Variants in ARFGEF1 observed in about 807,000 individuals in gnomAD.
ARFGEF1 encodes the protein ARF guanine nucleotide exchange factor 1, also known as brefeldin A-inhibited guanine nucleotide-exchange protein 1.
A neutral mutation model predicts 231.0 loss-of-function variants in ARFGEF1; 42 were observed. That is an observed-to-expected ratio of 0.18 (90% CI 0.14 to 0.24). The LOEUF is 0.24. Among genes scored for constraint, ARFGEF1 ranks in the 10% least tolerant of loss-of-function variants. ARFGEF1 has a pLI of 1.00. For missense variants in ARFGEF1, 1,345 were observed against 2,192.0 expected (o/e 0.61, Z 7.72); for synonymous variants, 710 against 732.3 (o/e 0.97, Z 0.49).
intron 1 of ARFGEF1, among the ~76,000 whole-genome samples, chr8:67,325,731 AATT>A (rs1807803571): frequency 6.6e-6 from 1 of 152,238 alleles, no homozygotes; most frequent in African/African-American, 2.4e-5. Flanking sequence ...ATAAATATTG[AATT>A]ATTATGAAGG....
At chr8:67,277,583 C>A (rs1563883404) in intron 7 of ARFGEF1, 126 bp from the exon 8 acceptor site, 2 of 807,718 alleles carry the variant, frequency 2.5e-6, no homozygotes, top group Non-Finnish European at 3.8e-6. Context: ...TGTATTGGCA[C>A]CATTTAAAGG....
intron 29 of ARFGEF1, among the ~76,000 whole-genome samples, chr8:67,222,602 C>G (rs973176361): frequency 2.6e-5 from 4 of 152,104 alleles, no homozygotes; most frequent in African/African-American, 9.7e-5. Flanking sequence ...AGGTGCGCAC[C>G]ACCACGCCTC....
intron 29 of ARFGEF1, among the ~76,000 whole-genome samples, chr8:67,224,063 A>G (rs903523780): frequency 6.6e-6 from 1 of 152,104 alleles, no homozygotes; most frequent in South Asian, 2.1e-4. Context: ...TTGGTGGGGG[A>G]TGGGGGTGGT....
intron 30 of ARFGEF1, 35 bp from the exon 31 acceptor site, chr8:67,218,173 T>C (rs1839001739): frequency 5.9e-6 from 7 of 1,182,228 alleles, no homozygotes; most frequent in Non-Finnish European, 7.6e-6. Context: ...CATCACGCCA[T>C]TAATCAACTA....
chr8:67,282,796 C>G (rs1177187829), intron 7 of ARFGEF1, among the ~76,000 whole-genome samples: 2 of 147,920 alleles, frequency 1.4e-5, no homozygotes, highest in Non-Finnish European at 3.0e-5. Context: ...TGCAGTGAGC[C>G]AAGATCTTGC....
chr8:67,223,368 GT>G (rs1839267392), intron 29 of ARFGEF1, among the ~76,000 whole-genome samples: 1 of 152,128 alleles, frequency 6.6e-6, no homozygotes, highest in Non-Finnish European at 1.5e-5. Flanking sequence ...ACCATGCCTA[GT>G]TAACTTTTTG....
intron 10 of ARFGEF1, 119 bp downstream of exon 10, chr8:67,271,583 G>A (rs949609582): frequency 1.3e-6 from 1 of 749,452 alleles, no homozygotes; most frequent in Non-Finnish European, 2.2e-6. Flanking sequence ...AAAAATAAGT[G>A]CATGGCAATA....
intron 1 of ARFGEF1, among the ~76,000 whole-genome samples, chr8:67,330,260 A>C (rs1285089017): frequency 3.3e-5 from 5 of 152,104 alleles, no homozygotes; most frequent in Admixed American, 2.6e-4. Context: ...AAGGAAAACA[A>C]TTCAATAAAG....
chr8:67,219,876 G>A (rs1202724291), intron 29 of ARFGEF1, among the ~76,000 whole-genome samples: 1 of 152,162 alleles, frequency 6.6e-6, no homozygotes, highest in Non-Finnish European at 1.5e-5. Context: ...AACCGTTTGA[G>A]TGAATATTAA....
At chr8:67,302,585 T>C in intron 1 of ARFGEF1, 119 bp from the exon 2 acceptor site, 1 of 602,006 alleles carries the variant, frequency 1.7e-6, no homozygotes, top group Non-Finnish European at 2.7e-6. Flanking sequence ...GAATGCAAAT[T>C]TAATAAAAAT....
intron 5 of ARFGEF1, among the ~76,000 whole-genome samples, chr8:67,176,137 A>C (rs972552898): frequency 6.6e-6 from 1 of 152,112 alleles, no homozygotes; most frequent in African/African-American, 2.4e-5. Context: ...CTCAGAGAGC[A>C]CTGATGGGCC....
intron 1 of ARFGEF1, 78 bp from the exon 2 acceptor site, chr8:67,302,544 C>A: frequency 9.7e-7 from 1 of 1,030,230 alleles, no homozygotes; most frequent in South Asian, 2.1e-5. Context: ...GTTCTATAAA[C>A]TCATTTGGAA....
chr8:67,206,019 T>G (rs1413319277), intron 34 of ARFGEF1, among the ~76,000 whole-genome samples: 1 of 152,186 alleles, frequency 6.6e-6, no homozygotes, highest in African/African-American at 2.4e-5. Flanking sequence ...TACTGTGGTT[T>G]GGCCACAGCA....
At chr8:67,212,680 T>C (rs954003628) in intron 33 of ARFGEF1, among the ~76,000 whole-genome samples, 1 of 152,202 alleles carries the variant, frequency 6.6e-6, no homozygotes, top group Admixed American at 6.5e-5. Flanking sequence ...TGAGCAACCT[T>C]ACCTGCTGTG....
intron 32 of ARFGEF1, among the ~76,000 whole-genome samples, chr8:67,217,318 A>AAAAAAAAAC (rs1267029074): frequency 2.6e-5 from 4 of 152,008 alleles, no homozygotes; most frequent in African/African-American, 9.7e-5. Flanking sequence ...AAAAAAAAAA[A>AAAAAAAAAC]AAACCTACCT....
rs79536262 is a variant in ARFGEF1, at chr8:67,198,173, A to C, written c.*761T>G. On this transcript the variant is annotated 3_prime_UTR_variant, in exon 39 of 39. Coordinates refer to ENST00000262215, the MANE Select transcript of ARFGEF1 (RefSeq NM_006421.5). ...TCTACCTTTTTTTCCCTATTGTTGA[A>C]GTGTCGGCCACAACAGCTTCTGGGC... 1.0e-6 allele frequency: 1 copy of C among 985,762 alleles called. No homozygotes were observed. Among genetic ancestry groups the C allele is most frequent in the Admixed American group, 6.1e-5 (1 of 16,288 alleles). 61.1% of individuals were successfully genotyped at this position (985,762 alleles called of 1,614,324 possible). A position where few individuals can be genotyped will look rare whatever the true frequency, so the allele number is the denominator to read the frequency against.
At chr8:67,224,166 T>C (rs1839295426) in intron 29 of ARFGEF1, among the ~76,000 whole-genome samples, 1 of 152,138 alleles carries the variant, frequency 6.6e-6, no homozygotes, top group Non-Finnish European at 1.5e-5. Flanking sequence ...TAACAGAAGA[T>C]TCTTCCAAAT....
At position 67,288,057 on chromosome 8, in the gene ARFGEF1, T is replaced by C. The variant is rs745499442; in HGVS notation, c.925A>G (p.Lys309Glu). ...TCTCCGTCATATAACACTTCATTTT[T>C]AGATAATGCTTTAAAAGAAGAAAAA... ...DQATAAETLS[K>E]NEVLYDGENH... Residue 309 changes from lysine to glutamate, a missense_variant, in exon 7 of 39, where the codon AAA becomes GAA. Physicochemically the swap from Lys to Glu is moderately conservative, Grantham distance 56. Coordinates refer to ENST00000262215, the MANE Select transcript of ARFGEF1 (RefSeq NM_006421.5). 1 of 1,584,272 alleles carries C rather than the reference T, an allele frequency of 6.3e-7. No homozygotes were observed. Among genetic ancestry groups the C allele is most frequent in the Non-Finnish European group, 8.6e-7 (1 of 1,168,728 alleles).
At chr8:67,329,461 G>A (rs1419623907) in intron 1 of ARFGEF1, among the ~76,000 whole-genome samples, 9 of 151,338 alleles carry the variant, frequency 5.9e-5, no homozygotes, top group East Asian at 1.9e-4. Context: ...CCCAGGAGGC[G>A]GAGCTTGCAG....
Sources: allele counts gnomAD v4.1 joint callset (sites outside exome capture counted in the v4.1 genomes callset), GRCh38; gene constraint gnomAD v4.1.1; transcripts MANE v1.5; gene names NCBI Gene and HGNC (gene_info 2026-07-23, HGNC 2026-07-21).